SAA2: variants seen among roughly 807,000 people sequenced by gnomAD.
The protein encoded by SAA2 is serum amyloid A2.
A neutral mutation model predicts 9.1 loss-of-function variants in SAA2; 5 were observed. The ratio of observed to expected loss-of-function variants is 0.55; its 90% confidence interval spans 0.29 to 1.16. The LOEUF (loss-of-function observed/expected upper bound fraction) is 1.16, where lower values mean the gene tolerates loss of function less well. Ranked by LOEUF, SAA2 falls within the 50% of genes most tolerant of loss-of-function variation. The pLI, the probability that SAA2 is intolerant of heterozygous loss-of-function variation, is 0.09. For missense variants in SAA2, 94 were observed against 153.8 expected, an observed-to-expected ratio of 0.61 and a Z score of 2.06; for synonymous variants, 49 against 59.8, an observed-to-expected ratio of 0.82 and a Z score of 0.83.
At position 18,245,464 on chromosome 11, in the gene SAA2, C is replaced by G; in HGVS notation, c.282G>C (p.Ser94=). Residue 94 remains serine, a synonymous_variant, in exon 4 of 4, where the codon TCG becomes TCC. Transcript: ENST00000256733. ...QRLTGRGAED[S]LADQAANKWG... ...ATTTATTGGCAGCCTGATCGGCCAG[C>G]GAGTCCTCCGCACCACGGCCTGTGA... 3 of 1,614,166 alleles carry G rather than the reference C, an allele frequency of 1.9e-6. No homozygotes were observed. The highest frequency in any genetic ancestry group is 2.5e-6 in the Non-Finnish European group (3 of 1,180,018).
chr11:18,242,771 C>T (rs192214175), downstream of SAA2: 26 of 700,750 alleles, frequency 3.7e-5, no homozygotes, highest in Admixed American at 2.2e-4. Flanking sequence ...TCTTGAGCCC[C>T]GGGAGGTCGA....
At chr11:18,239,692 C>T (rs1229077871) in exon 4 of SAA2, 4 of 431,552 alleles carry the variant, frequency 9.3e-6, no homozygotes, top group African/African-American at 8.2e-5. Context: ...CCTTTCCCAA[C>T]AGCTGCTCCT....
At chr11:18,240,206 G>C (rs1228489086) in intron 3 of SAA2, 1 of 716,196 alleles carries the variant, frequency 1.4e-6, no homozygotes, top group Non-Finnish European at 2.5e-6. Context: ...TGATTCTCTT[G>C]AAATTTGAAT....
At position 18,245,328 on chromosome 11, in the gene SAA2, C is replaced by T. The variant is rs746793353; in HGVS notation, c.*49G>A. ...GACCTCACTAACTTTGTATCCCTGC[C>T]CCGAGGGCCTCATAGCCAGGTCTCC... On this transcript the variant is annotated 3_prime_UTR_variant, in exon 4 of 4. Transcript: ENST00000256733. 2 of 1,610,618 alleles carry T rather than the reference C, an allele frequency of 1.2e-6. No individual in the cohort carries two copies. Among genetic ancestry groups the T allele is most frequent in the South Asian group, 2.2e-5 (2 of 90,828 alleles).
downstream of SAA2, chr11:18,245,094 G>A: frequency 1.9e-6 from 1 of 513,370 alleles, no homozygotes; most frequent in Non-Finnish European, 3.3e-6. Flanking sequence ...TGATGCAGGT[G>A]TCTGCACTGT....
At chr11:18,239,449 T>C in exon 4 of SAA2, 1 of 365,426 alleles carries the variant, frequency 2.7e-6, no homozygotes, top group East Asian at 4.0e-5. Flanking sequence ...GTCTGTGGTG[T>C]TTTGATTGAT....
chr11:18,243,095 A>G (rs58072314), downstream of SAA2, among the ~76,000 whole-genome samples: 3,681 of 151,812 alleles, frequency 0.024, 137 homozygotes, highest in African/African-American at 0.084. Flanking sequence ...TGTTTTTTTT[A>G]TACTTTTTCT....
chr11:18,241,047 G>A (rs149732336), downstream of SAA2, among the ~76,000 whole-genome samples: 136 of 152,166 alleles, frequency 8.9e-4, no homozygotes, highest in African/African-American at 3.2e-3. Flanking sequence ...TAAAAAGCGG[G>A]CAAAGGACAT....
At position 18,245,548 on chromosome 11, in the gene SAA2, C is replaced by A. The variant is rs151112748; in HGVS notation, c.231-33G>T. On this transcript the variant is annotated intron_variant, in intron 3 of 3. Transcript: ENST00000256733. ...CCAGGCAGGCAAGAAGGAGATTAAT[C>A]ATCAGGCCAGTGAGCAACAGCTCAC... The A allele has an allele frequency of 7.8e-4, 1,263 of 1,612,406 alleles. 9 individuals are homozygous for A. The African/African-American group carries it at 0.014, about 18-fold the overall frequency.
exon 4 of SAA2, chr11:18,239,294 T>C (rs1322773401): frequency 6.3e-6 from 1 of 157,718 alleles, no homozygotes; most frequent in East Asian, 1.8e-4. Flanking sequence ...AGGTTTTTTC[T>C]ATATATAAGT....
At chr11:18,243,077 T>G (rs1238823856), downstream of SAA2, among the ~76,000 whole-genome samples, 2 of 151,760 alleles carry the variant, frequency 1.3e-5, no homozygotes, top group Non-Finnish European at 2.9e-5. Flanking sequence ...ATTTAAAAAT[T>G]TTTTTCTTGT....
intron 3 of SAA2, 146 bp from the exon 4 acceptor site, chr11:18,245,661 G>A (rs895451382): frequency 7.2e-6 from 10 of 1,383,668 alleles, no homozygotes; most frequent in African/African-American, 2.9e-5. Flanking sequence ...ACCCTGCCTG[G>A]GCACTGCCCC....
downstream of SAA2, among the ~76,000 whole-genome samples, chr11:18,243,076 T>C (rs1306582595): frequency 6.6e-6 from 1 of 151,852 alleles, no homozygotes; most frequent in South Asian, 2.1e-4. Context: ...GATTTAAAAA[T>C]TTTTTTCTTG....
downstream of SAA2, chr11:18,245,153 C>G: frequency 9.9e-7 from 1 of 1,011,636 alleles, no homozygotes; most frequent in Non-Finnish European, 1.4e-6. Flanking sequence ...CCTACCTAGG[C>G]TCACCCTTCA....
chr11:18,245,981 G>T lies in SAA2; in HGVS notation c.159C>A (p.Tyr53Ter). ...CATCATAGTTCCCCCGAGCATGGAA[G>T]TATTTGTCTGAGCCGATGTAATTGG... The part of the protein sequence containing the change: ...REANYIGSDK[Y>*]FHARGNYDAA... Residue 53 changes from tyrosine to a stop codon, truncating the protein, a stop_gained, in exon 3 of 4, where the codon TAC becomes TAA. Coordinates refer to ENST00000256733, the MANE Select transcript of SAA2 (RefSeq NM_030754.5). LOFTEE classifies it high-confidence loss of function. 6.2e-7 allele frequency: 1 copy of T among 1,614,076 alleles called. No homozygotes were observed. Among genetic ancestry groups the T allele is most frequent in the Non-Finnish European group, 8.5e-7 (1 of 1,179,998 alleles).
downstream of SAA2, among the ~76,000 whole-genome samples, chr11:18,240,619 C>T (rs1183529906): frequency 6.6e-6 from 1 of 152,116 alleles, no homozygotes; most frequent in South Asian, 2.1e-4. Context: ...CAAAAACATA[C>T]AGTGGGGAAA....
intron 1 of SAA2, chr11:18,248,288 C>T: frequency 2.7e-6 from 1 of 364,758 alleles, no homozygotes; most frequent in Non-Finnish European, 5.4e-6. Context: ...CCTCAAGTAG[C>T]CTATAATTCC....
Position 18,247,994 on chromosome 11 carries a change from G to A in SAA2, c.18C>T (p.Gly6=). The change falls in exon 2 of 4, where the codon GGC becomes GGT. Residue 6 remains glycine, a synonymous_variant. Coordinates refer to ENST00000256733, the MANE Select transcript of SAA2 (RefSeq NM_030754.5). ...TCAGGACCAAGGAGCAGAAAACCAG[G>A]CCCGTGAGAAGCTTCATGGTGCTGA... The part of the protein sequence containing the change: MKLLT[G]LVFCSLVLSV... The A allele has an allele frequency of 6.2e-7, 1 of 1,613,384 alleles. No individual in the cohort carries two copies. The highest frequency in any genetic ancestry group is 8.5e-7 in the Non-Finnish European group (1 of 1,179,734).
downstream of SAA2, chr11:18,242,875 A>G (rs1857389197): frequency 5.7e-6 from 4 of 695,808 alleles, no homozygotes; most frequent in African/African-American, 5.3e-5. Context: ...AAACACAACT[A>G]TAACAAAGAG....
Sources: allele counts gnomAD v4.1 joint callset (sites outside exome capture counted in the v4.1 genomes callset), GRCh38; gene constraint gnomAD v4.1.1; transcripts MANE v1.5; gene names NCBI Gene and HGNC (gene_info 2026-07-23, HGNC 2026-07-21).